Variants in GALNT18 observed in about 807,000 individuals in gnomAD.
The protein encoded by GALNT18 is polypeptide N-acetylgalactosaminyltransferase 18.
Under a neutral mutation model 69.5 loss-of-function variants are expected in GALNT18, and 44 were observed. That is an observed-to-expected ratio of 0.63 (90% CI 0.50 to 0.81). GALNT18 has a LOEUF of 0.81. GALNT18 is among the 40% of genes least tolerant of loss of function. The pLI, the probability that GALNT18 is intolerant of heterozygous loss-of-function variation, is 0.00. For missense variants in GALNT18, 715 were observed against 810.0 expected (o/e 0.88, Z 1.42); for synonymous variants, 364 against 318.2 (o/e 1.14, Z -1.53).
chr11:11,385,486 G>A (rs1854031454), intron 3 of GALNT18, among the ~76,000 whole-genome samples: 1 of 151,988 alleles, frequency 6.6e-6, no homozygotes, highest in South Asian at 2.1e-4. Flanking sequence ...TAGTAGAGAT[G>A]GGGTTTCACC....
chr11:11,612,767 T>TAAA (rs922959008), intron 1 of GALNT18, among the ~76,000 whole-genome samples: 1 of 152,234 alleles, frequency 6.6e-6, no homozygotes, highest in Admixed American at 6.5e-5. Flanking sequence ...CTATTCACGC[T>TAAA]AAAGAACTGG....
rs1857046606 is a variant in GALNT18 at position 11,505,155 on chromosome 11, A to G, written c.236-56219T>C. ...TTGAAGAATGAGTGGAGTTCAGTAG[A>G]TGAACACAGGGAAAGGATGTTCCAG... On this transcript the variant is annotated intron_variant, in intron 1 of 10. Coordinates refer to ENST00000227756, the MANE Select transcript of GALNT18 (RefSeq NM_198516.3). The surrounding 1 kb of genome is among the most constrained non-coding windows in gnomAD (Gnocchi z 4.6). Among the ~76,000 whole-genome samples, 1 of 152,252 alleles carries G rather than the reference A, an allele frequency of 6.6e-6. No individual in the cohort carries two copies. Among genetic ancestry groups the G allele is most frequent in the Non-Finnish European group, 1.5e-5 (1 of 68,038 alleles).
At chr11:11,286,362 T>C (rs556620162) in intron 10 of GALNT18, among the ~76,000 whole-genome samples, 12 of 148,636 alleles carry the variant, frequency 8.1e-5, no homozygotes, top group African/African-American at 3.1e-4. Context: ...TCCTACATAA[T>C]GAGTGTCTGT....
chr11:11,564,940 A>T lies in GALNT18; in HGVS notation c.235+56419T>A, dbSNP rs1858606438. Among the ~76,000 whole-genome samples, 1 of 152,258 alleles carries T rather than the reference A, an allele frequency of 6.6e-6. No homozygotes were observed. Among genetic ancestry groups the T allele is most frequent in the East Asian group, 1.9e-4 (1 of 5,200 alleles). On this transcript the variant is annotated intron_variant, in intron 1 of 10. Transcript: ENST00000227756. This position sits in a 1 kb window ranked among gnomAD's most constrained non-coding sequence, Gnocchi z 4.3. ...CCACAGAATGCTTGCTCTATTGGACAGCCCTGATCTAGACCCTAACCCCAA... is the reference window on the plus strand; with the variant it reads ...CCACAGAATGCTTGCTCTATTGGACTGCCCTGATCTAGACCCTAACCCCAA...
rs1026307046 is a variant in GALNT18 at position 11,596,114 on chromosome 11, G to T, written c.235+25245C>A. On this transcript the variant is annotated intron_variant, in intron 1 of 10. Coordinates refer to ENST00000227756, the MANE Select transcript of GALNT18 (RefSeq NM_198516.3). This position sits in a 1 kb window ranked among gnomAD's most constrained non-coding sequence, Gnocchi z 4.2. ...ATTCTTAACATGTAGATATCCAGTT[G>T]TTCCAGCACCATGTGTTAAAAGACT... Among the ~76,000 whole-genome samples, 23 of 152,120 alleles carry T rather than the reference G, an allele frequency of 1.5e-4. No individual in the cohort carries two copies. Among genetic ancestry groups the T allele is most frequent in the Admixed American group, 1.3e-3 (20 of 15,276 alleles).
chr11:11,394,723 G>A (rs1183042827), intron 3 of GALNT18, among the ~76,000 whole-genome samples: 1 of 152,260 alleles, frequency 6.6e-6, no homozygotes, highest in Admixed American at 6.5e-5. Flanking sequence ...GCTCGAGACA[G>A]CATCCAGGAC....
In GALNT18 at chr11:11,496,613, A is replaced by G. The variant is rs559302765; in HGVS notation, c.236-47677T>C. The stretch of plus-strand genomic sequence containing the variant: ...ATCACAGAGAAGTAGATGAAGGGCT[A>G]CCACACAGAGGGTGGGAAGAAGGAA... On this transcript the variant is annotated intron_variant, in intron 1 of 10. Coordinates refer to ENST00000227756, the MANE Select transcript of GALNT18 (RefSeq NM_198516.3). The surrounding 1 kb of genome is among the most constrained non-coding windows in gnomAD (Gnocchi z 4.0). Among the ~76,000 whole-genome samples the G allele has an allele frequency of 3.3e-5, 5 of 152,240 alleles. No individual in the cohort carries two copies. The highest frequency in any genetic ancestry group is 1.2e-4 in the African/African-American group (5 of 41,570).
rs1002889436 is a variant in GALNT18, at chr11:11,421,382, C to A, written c.595+11239G>T. ...GATGCTCATTTCAGGAGGAGCTTAT[C>A]GGTGGGAAGTCCCAGCCCCCATGAT... On this transcript the variant is annotated intron_variant, in intron 3 of 10. Transcript: ENST00000227756. This position sits in a 1 kb window ranked among gnomAD's most constrained non-coding sequence, Gnocchi z 5.6. Among the ~76,000 whole-genome samples, 1 of 152,110 alleles carries A rather than the reference C, an allele frequency of 6.6e-6. No homozygotes were observed. Among genetic ancestry groups the A allele is most frequent in the African/African-American group, 2.4e-5 (1 of 41,412 alleles).
chr11:11,536,995 G>T (rs1393144575), intron 1 of GALNT18, among the ~76,000 whole-genome samples: 1 of 152,210 alleles, frequency 6.6e-6, no homozygotes, highest in Non-Finnish European at 1.5e-5. Flanking sequence ...ATCTCACGCA[G>T]TTACATTTTT....
At chr11:11,484,706 C>T (rs1257132311) in intron 1 of GALNT18, among the ~76,000 whole-genome samples, 2 of 151,426 alleles carry the variant, frequency 1.3e-5, no homozygotes, top group African/African-American at 4.9e-5. Flanking sequence ...TGCAGAAAGT[C>T]ACATGGGTTA....
In GALNT18 at chr11:11,586,699, C is replaced by A. The variant is rs1590120381; in HGVS notation, c.235+34660G>T. 6.6e-6 allele frequency among the ~76,000 whole-genome samples: 1 copy of A among 152,164 alleles called. No homozygotes were observed. The highest frequency in any genetic ancestry group is 1.5e-5 in the Non-Finnish European group (1 of 68,032). ...TCTTAAAATACTGAAATAGGCCGGG[C>A]TTGGTAGCTCATGCCTGTAATCACA... On this transcript the variant is annotated intron_variant, in intron 1 of 10. Transcript: ENST00000227756. This position sits in a 1 kb window ranked among gnomAD's most constrained non-coding sequence, Gnocchi z 4.1.
rs538929410 is a variant in GALNT18 at position 11,351,949 on chromosome 11, G to C, written c.1093-10945C>G. On this transcript the variant is annotated intron_variant, in intron 6 of 10. Coordinates refer to ENST00000227756, the MANE Select transcript of GALNT18 (RefSeq NM_198516.3). ...TCAGGAGACAGATAGGGCCGTTACT[G>C]CTGAGCGCCAGTGGCAGCTGGAACA... The C allele has an allele frequency of 6.3e-6, 10 of 1,589,642 alleles. No homozygotes were observed. In the East Asian group the frequency reaches 2.3e-4, roughly 37 times the overall value.
chr11:11,485,447 C>T (rs1856623300), intron 1 of GALNT18, among the ~76,000 whole-genome samples: 1 of 152,208 alleles, frequency 6.6e-6, no homozygotes, highest in Non-Finnish European at 1.5e-5. Flanking sequence ...TATAGATAAA[C>T]AGCCAGATGG....
intron 7 of GALNT18, among the ~76,000 whole-genome samples, chr11:11,335,531 G>A (rs1372274525): frequency 6.6e-6 from 1 of 152,162 alleles, no homozygotes; most frequent in Non-Finnish European, 1.5e-5. Context: ...GGTGTAGTGA[G>A]TTGAATTGTG....
At position 11,383,574 on chromosome 11, in the gene GALNT18, A is replaced by G. The variant is rs1250696823; in HGVS notation, c.596-4310T>C. On this transcript the variant is annotated intron_variant, in intron 3 of 10. Transcript: ENST00000227756. This position sits in a 1 kb window ranked among gnomAD's most constrained non-coding sequence, Gnocchi z 5.2. ...CAAGGTTCAGATGAGCATTTCCCAC[A>G]TCTTCTCTAGGTTTTGGGGACATAG... Among the ~76,000 whole-genome samples, 1 of 152,130 alleles carries G rather than the reference A, an allele frequency of 6.6e-6. No homozygotes were observed. The highest frequency in any genetic ancestry group is 1.5e-5 in the Non-Finnish European group (1 of 68,034).
intron 9 of GALNT18, among the ~76,000 whole-genome samples, chr11:11,312,964 T>G (rs1849694139): frequency 1.3e-5 from 2 of 152,016 alleles, no homozygotes; most frequent in African/African-American, 4.8e-5. Context: ...GGTGTAACAA[T>G]TCACAAAGAA....
chr11:11,279,960 A>G (rs1849034320), intron 10 of GALNT18, among the ~76,000 whole-genome samples: 1 of 151,882 alleles, frequency 6.6e-6, no homozygotes, highest in Non-Finnish European at 1.5e-5. Flanking sequence ...CAGATGAAGG[A>G]GGCAGGGACT....
rs943626848 is a variant in GALNT18 at position 11,613,953 on chromosome 11, G to A, written c.235+7406C>T. On this transcript the variant is annotated intron_variant, in intron 1 of 10. Coordinates refer to ENST00000227756, the MANE Select transcript of GALNT18 (RefSeq NM_198516.3). The surrounding 1 kb of genome is among the most constrained non-coding windows in gnomAD (Gnocchi z 4.2). ...ACATTCAGCCGGGTTTTCCCTCCAG[G>A]AACTTTCTGTGTAACATCACCTCCA... 1.3e-5 allele frequency among the ~76,000 whole-genome samples: 2 copies of A among 152,098 alleles called. No homozygotes were observed. Among genetic ancestry groups the A allele is most frequent in the Admixed American group, 6.5e-5 (1 of 15,270 alleles).
At chr11:11,324,191 GGTT>G (rs148175089) in intron 9 of GALNT18, among the ~76,000 whole-genome samples, 27,813 of 152,134 alleles carry the variant, frequency 0.18, 2,692 homozygotes, top group African/African-American at 0.22. Context: ...AAGTTTATGT[GGTT>G]TAAGGCCTGT....
Sources: allele counts gnomAD v4.1 joint callset (sites outside exome capture counted in the v4.1 genomes callset), GRCh38; gene constraint gnomAD v4.1.1; non-coding constraint Gnocchi (gnomAD v3.1); transcripts MANE v1.5; gene names NCBI Gene and HGNC (gene_info 2026-07-23, HGNC 2026-07-21).